PRRG4: variants seen among roughly 807,000 people sequenced by gnomAD.
PRRG4 encodes the protein proline rich and Gla domain 4, also known as transmembrane gamma-carboxyglutamic acid protein 4.
PRRG4 carries 12 observed loss-of-function variants against 20.0 expected under a neutral mutation model. That is an observed-to-expected ratio of 0.60 (90% CI 0.38 to 0.97). The LOEUF (loss-of-function observed/expected upper bound fraction) is 0.97, where lower values mean the gene tolerates loss of function less well. PRRG4 is among the 50% of genes least tolerant of loss of function. The probability of loss-of-function intolerance (pLI) is 0.00; values close to 1 mark genes in which losing one functional copy is unlikely to be tolerated. For synonymous variants in PRRG4, 94 were observed against 96.4 expected, an observed-to-expected ratio of 0.98 and a Z score of 0.15; for missense variants, 199 against 265.1, an observed-to-expected ratio of 0.75 and a Z score of 1.73.
At chr11:32,844,585 C>G (rs1204031039) in intron 5 of PRRG4, among the ~76,000 whole-genome samples, 1 of 151,966 alleles carries the variant, frequency 6.6e-6, no homozygotes, top group East Asian at 1.9e-4. Context: ...ACTGCAACCT[C>G]TGCCTCCTGG....
At chr11:32,837,547 T>G (rs200859982) in intron 3 of PRRG4, among the ~76,000 whole-genome samples, 3,748 of 102,444 alleles carry the variant, frequency 0.037, 49 homozygotes, top group African/African-American at 0.049. Flanking sequence ...TGATGATTAT[T>G]ATTATTATTA....
chr11:32,836,941 C>A, intron 3 of PRRG4, 120 bp downstream of exon 3: 1 of 731,862 alleles, frequency 1.4e-6, no homozygotes, highest in Non-Finnish European at 2.2e-6. Context: ...CCTGCTATCT[C>A]TTTCTACTTC....
At chr11:32,829,886 G>A (rs1315994639), upstream of PRRG4, 5 of 985,392 alleles carry the variant, frequency 5.1e-6, no homozygotes, top group African/African-American at 8.7e-5. Flanking sequence ...CCGGGAGGTG[G>A]GGCGCGGCCA....
At position 32,848,983 on chromosome 11, in the gene PRRG4, A is replaced by AAAAAC. The variant is rs57590065; in HGVS notation, c.450-4311_450-4310insAACAA. On this transcript the variant is annotated intron_variant, in intron 5 of 5. Coordinates refer to ENST00000257836, the MANE Select transcript of PRRG4 (RefSeq NM_024081.6). Reference sequence around the variant, plus strand: ...TGAGACTCTGTCTTAAAAAAAAAAAAAAGAATTTAAGGCAACAGGTGTGAA... The same window carrying AAAAAC: ...TGAGACTCTGTCTTAAAAAAAAAAAAAAAACAAGAATTTAAGGCAACAGGTGTGAA... Among the ~76,000 whole-genome samples the AAAAAC allele has an allele frequency of 7.9e-3, 1,192 of 149,962 alleles. 17 individuals carry two copies. The highest frequency in any genetic ancestry group is 0.026 in the African/African-American group (1,073 of 40,690).
At chr11:32,846,006 A>C (rs1378792687) in intron 5 of PRRG4, among the ~76,000 whole-genome samples, 1 of 151,972 alleles carries the variant, frequency 6.6e-6, no homozygotes, top group African/African-American at 2.4e-5. Flanking sequence ...AATACAAAAA[A>C]AATTAGCCAG....
At chr11:32,851,341 C>A (rs1370711935) in intron 5 of PRRG4, among the ~76,000 whole-genome samples, 1 of 152,128 alleles carries the variant, frequency 6.6e-6, no homozygotes, top group East Asian at 1.9e-4. Context: ...AATAAAATAT[C>A]TGTCTCCTCC....
chr11:32,855,526 AATC>A lies in PRRG4; in HGVS notation c.*2002_*2004del, dbSNP rs1299233680. 1 of 152,220 alleles carries A rather than the reference AATC, an allele frequency of 6.6e-6. No individual in the cohort carries two copies. Among genetic ancestry groups the A allele is most frequent in the Non-Finnish European group, 1.5e-5 (1 of 68,036 alleles). The allele number at this position is 152,220 out of a possible 1,614,324, so 9.4% of individuals were successfully genotyped here. A position where few individuals can be genotyped will look rare whatever the true frequency, so the allele number is the denominator to read the frequency against. ...CCAAATTAAAAGTTTAGAAAGCATA[AATC>A]ATATTACAGTGCATATGTGAGTGTA... On this transcript the variant is annotated 3_prime_UTR_variant, in exon 6 of 6. Transcript: ENST00000257836.
chr11:32,852,784 T>G (rs1851194205), intron 5 of PRRG4, among the ~76,000 whole-genome samples: 1 of 150,296 alleles, frequency 6.7e-6, no homozygotes, highest in Non-Finnish European at 1.5e-5. Flanking sequence ...TTTTTTTTTT[T>G]TTTTTTTAGA....
At position 32,829,927 on chromosome 11, in the gene PRRG4, C is replaced by T. The variant is rs879767367; in HGVS notation, c.-269C>T. 68 of 985,496 alleles carry T rather than the reference C, an allele frequency of 6.9e-5. No homozygotes were observed. The highest frequency in any genetic ancestry group is 8.1e-5 in the Non-Finnish European group (67 of 830,090). 61.0% of individuals were successfully genotyped at this position (985,496 alleles called of 1,614,324 possible). ...CCCCAGGTAGCCGCCTCCTCCCGTC[C>T]TCCGTCGGCCGCCTCCCCGGACCGA... On this transcript the variant is annotated 5_prime_UTR_variant, in exon 1 of 6. Coordinates refer to ENST00000257836, the MANE Select transcript of PRRG4 (RefSeq NM_024081.6).
chr11:32,836,078 G>A (rs987813714), intron 2 of PRRG4, among the ~76,000 whole-genome samples: 1 of 152,126 alleles, frequency 6.6e-6, no homozygotes, highest in African/African-American at 2.4e-5. Flanking sequence ...CTCCAGGCCC[G>A]GTGACAGAGT....
At position 32,837,591 on chromosome 11, in the gene PRRG4, G is replaced by A. The variant is rs560318243; in HGVS notation, c.267+770G>A. ...ATTATTATTATTATTATCTGGAGAC[G>A]GAGTCGCCCAGGCTGGAGTGCAGTG... is the stretch of plus-strand genomic sequence containing the variant. On this transcript the variant is annotated intron_variant, in intron 3 of 5. Transcript: ENST00000257836. Among the ~76,000 whole-genome samples the A allele has an allele frequency of 1.3e-4, 20 of 148,446 alleles. No homozygotes were observed. In the South Asian group the frequency reaches 1.5e-3, roughly 11 times the overall value.
chr11:32,830,608 G>T lies in PRRG4; in HGVS notation c.79G>T (p.Ala27Ser), dbSNP rs1565111738. The change falls in exon 2 of 6, where the codon GCT becomes TCT. Residue 27 changes from alanine (A) to serine (S), a missense_variant. Physicochemically the swap from Ala to Ser is moderately conservative, Grantham distance 99. Coordinates refer to ENST00000257836, the MANE Select transcript of PRRG4 (RefSeq NM_024081.6). ...GFPHCARGPK[A>S]SKHAGEEVFT... Reference sequence around the variant, plus strand: ...TCCTCATTGCGCAAGAGGTCCAAAGGCTTCTAAGCATGCGGGAGAAGAAGG... The same window carrying T: ...TCCTCATTGCGCAAGAGGTCCAAAGTCTTCTAAGCATGCGGGAGAAGAAGG... 6.2e-7 allele frequency: 1 copy of T among 1,613,892 alleles called. No homozygotes were observed. The highest frequency in any genetic ancestry group is 8.5e-7 in the Non-Finnish European group (1 of 1,179,970).
rs1366704113 is a variant in PRRG4 at position 32,830,159 on chromosome 11, T to C, written c.-37T>C. ...CTGGCCCGGGGGCTGCTGGAACATG[T>C]GCGGGGGGACACAGGTACGAGGCCT... On this transcript the variant is annotated 5_prime_UTR_variant, in exon 1 of 6. Coordinates refer to ENST00000257836, the MANE Select transcript of PRRG4 (RefSeq NM_024081.6). The C allele has an allele frequency of 9.8e-7, 1 of 1,019,804 alleles. No homozygotes were observed. The highest frequency in any genetic ancestry group is 1.2e-6 in the Non-Finnish European group (1 of 853,312). The allele number at this position is 1,019,804 out of a possible 1,614,324, so 63.2% of individuals were successfully genotyped here.
chr11:32,832,806 G>T (rs1264937270), intron 2 of PRRG4, among the ~76,000 whole-genome samples: 2 of 152,120 alleles, frequency 1.3e-5, no homozygotes, highest in African/African-American at 4.8e-5. Flanking sequence ...AAGCATGACG[G>T]TAGAGTTGAA....
Position 32,830,143 on chromosome 11 carries a change from G to C in PRRG4, c.-53G>C. ...GCCCCAAGAAGAGCCTCTGGCCCGG[G>C]GGCTGCTGGAACATGTGCGGGGGGA... is the stretch of plus-strand genomic sequence containing the variant. On this transcript the variant is annotated 5_prime_UTR_variant, in exon 1 of 6. Coordinates refer to ENST00000257836, the MANE Select transcript of PRRG4 (RefSeq NM_024081.6). 1 of 1,007,562 alleles carries C rather than the reference G, an allele frequency of 9.9e-7. No individual in the cohort carries two copies. 62.4% of individuals were successfully genotyped at this position (1,007,562 alleles called of 1,614,324 possible). A position where few individuals can be genotyped will look rare whatever the true frequency, so the allele number is the denominator to read the frequency against.
chr11:32,853,216 G>C (rs1851199345), intron 5 of PRRG4, 80 bp from the exon 6 acceptor site: 1 of 915,096 alleles, frequency 1.1e-6, no homozygotes. Context: ...TATTAAGATA[G>C]TTGGTTGGAT....
intron 3 of PRRG4, among the ~76,000 whole-genome samples, chr11:32,838,413 A>G (rs1048784628): frequency 6.6e-6 from 1 of 151,996 alleles, no homozygotes; most frequent in South Asian, 2.1e-4. Flanking sequence ...CCATGATCAC[A>G]CCACTGCACT....
chr11:32,846,000 C>CA lies in PRRG4; in HGVS notation c.449+5769dup, dbSNP rs528270614. On this transcript the variant is annotated intron_variant, in intron 5 of 5. Coordinates refer to ENST00000257836, the MANE Select transcript of PRRG4 (RefSeq NM_024081.6). ...TAAAACCCCATCTCTACTAAAAATA[C>CA]AAAAAAAATTAGCCAGGTGTGGTGG... Among the ~76,000 whole-genome samples, 388 of 151,484 alleles carry CA rather than the reference C, an allele frequency of 2.6e-3. 1 individual carries two copies. The highest frequency in any genetic ancestry group is 4.5e-3 in the Non-Finnish European group (302 of 67,764).
chr11:32,829,994 G>T lies in PRRG4; in HGVS notation c.-202G>T. ...GCGCGTGTTCCCCGGGCGCCCCTCT[G>T]CGAACCCCAGGCCCTTCCCAGGTTT... On this transcript the variant is annotated 5_prime_UTR_variant, in exon 1 of 6. Coordinates refer to ENST00000257836, the MANE Select transcript of PRRG4 (RefSeq NM_024081.6). 1.0e-6 allele frequency: 1 copy of T among 984,184 alleles called. No individual in the cohort carries two copies. Among genetic ancestry groups the T allele is most frequent in the Non-Finnish European group, 1.2e-6 (1 of 828,988 alleles). 61.0% of individuals were successfully genotyped at this position (984,184 alleles called of 1,614,324 possible).
Sources: gnomAD v4.1 joint callset for allele counts (sites outside exome capture counted in the v4.1 genomes callset) on GRCh38, gnomAD v4.1.1 for gene constraint, MANE v1.5 for transcripts, NCBI Gene and HGNC (gene_info 2026-07-23, HGNC 2026-07-21) for gene names.